CABP2: variants seen among roughly 807,000 people sequenced by gnomAD.
The protein encoded by CABP2 is calcium binding protein 2.
CABP2 carries 25 observed loss-of-function variants against 28.6 expected under a neutral mutation model. That is an observed-to-expected ratio of 0.87 (90% CI 0.64 to 1.22). The LOEUF is 1.22. Among genes scored for constraint, CABP2 ranks in the 50% most tolerant of loss-of-function variants. The pLI, the probability that CABP2 is intolerant of heterozygous loss-of-function variation, is 0.00. For missense variants in CABP2, 310 were observed against 312.2 expected, an observed-to-expected ratio of 0.99 and a Z score of 0.05; for synonymous variants, 138 against 126.0, an observed-to-expected ratio of 1.09 and a Z score of -0.64.
In CABP2 at chr11:67,519,131, G is replaced by A; in HGVS notation, c.*8C>T. ...GTCCTTTATGCTGCCTCCAGCTTCT[G>A]TACAGGCTCACCGAGACATCATTCG... is the stretch of plus-strand genomic sequence containing the variant. On this transcript the variant is annotated 3_prime_UTR_variant, in exon 7 of 7. Coordinates refer to ENST00000294288, the MANE Select transcript of CABP2 (RefSeq NM_016366.3). 1 of 1,613,956 alleles carries A rather than the reference G, an allele frequency of 6.2e-7. No homozygotes were observed. Among genetic ancestry groups the A allele is most frequent in the Non-Finnish European group, 8.5e-7 (1 of 1,179,954 alleles).
Position 67,519,301 on chromosome 11 carries a change from A to G in CABP2, c.638-137T>C, listed in dbSNP as rs897834414. On this transcript the variant is annotated intron_variant, in intron 6 of 6. Coordinates refer to ENST00000294288, the MANE Select transcript of CABP2 (RefSeq NM_016366.3). ...GGGCATCCTCTGGATCTGATAGGGAATAGGCCTCAGAGCCGGGAAGAGGAG... is the reference window on the plus strand; with the variant it reads ...GGGCATCCTCTGGATCTGATAGGGAGTAGGCCTCAGAGCCGGGAAGAGGAG... The G allele has an allele frequency of 3.7e-6, 3 of 806,404 alleles. No homozygotes were observed. The South Asian group carries it at 4.3e-5, about 11-fold the overall frequency. The allele number at this position is 806,404 out of a possible 1,614,324, so 50.0% of individuals were successfully genotyped here.
Position 67,519,011 on chromosome 11 carries a change from A to G in CABP2, c.*128T>C, listed in dbSNP as rs1472400769. 1.6e-5 allele frequency: 15 copies of G among 946,102 alleles called. No individual in the cohort carries two copies. The highest frequency in any genetic ancestry group is 1.9e-5 in the Non-Finnish European group (11 of 591,800). 58.6% of individuals were successfully genotyped at this position (946,102 alleles called of 1,614,324 possible). On this transcript the variant is annotated 3_prime_UTR_variant, in exon 7 of 7. Transcript: ENST00000294288. ...GGTGGGGGTGAAGGCAGGCAAGGGC[A>G]CTGCACACAGGTGGGATGGGGAGGA... is the stretch of plus-strand genomic sequence containing the variant.
chr11:67,522,424 G>A, intron 2 of CABP2, 122 bp downstream of exon 2: 1 of 1,015,596 alleles, frequency 9.8e-7, no homozygotes, highest in Non-Finnish European at 1.5e-6. Context: ...CTTCCCCCTA[G>A]CTCCAGGAGA....
chr11:67,522,106 T>A, intron 2 of CABP2, 124 bp from the exon 3 acceptor site: 1 of 860,532 alleles, frequency 1.2e-6, no homozygotes, highest in Non-Finnish European at 1.9e-6. Context: ...CCTGTGTCTG[T>A]CTGATTGCTC....
At chr11:67,519,245 G>T in intron 6 of CABP2, 81 bp from the exon 7 acceptor site, 1 of 1,455,578 alleles carries the variant, frequency 6.9e-7, no homozygotes, top group Non-Finnish European at 9.6e-7. Context: ...CTTGGGGCGG[G>T]TGGGAGTGTG....
chr11:67,522,567 G>A lies in CABP2; in HGVS notation c.192C>T (p.Pro64=), dbSNP rs1196059536. The change falls in exon 2 of 7, where the codon CCC becomes CCT. Residue 64 remains proline, a synonymous_variant. Coordinates refer to ENST00000294288, the MANE Select transcript of CABP2 (RefSeq NM_016366.3). ...LVGPACIFLR[P]SIAATQLDRE... ...ATACGAGTTGGGTGGCGGCAATGCT[G>A]GGCCGCAGGAAGATGCAGGCAGGCC... The A allele has an allele frequency of 6.4e-7, 1 of 1,556,204 alleles. No individual in the cohort carries two copies. Among genetic ancestry groups the A allele is most frequent in the Non-Finnish European group, 8.7e-7 (1 of 1,149,518 alleles).
At chr11:67,521,436 G>A (rs1866746614) in intron 3 of CABP2, among the ~76,000 whole-genome samples, 2 of 152,182 alleles carry the variant, frequency 1.3e-5, no homozygotes, top group South Asian at 4.1e-4. Context: ...AACAAATTCT[G>A]ACCTCTTGGA....
At position 67,521,167 on chromosome 11, in the gene CABP2, G is replaced by T; in HGVS notation, c.245-8C>A. On this transcript the variant is annotated splice_region_variant and splice_polypyrimidine_tract_variant and intron_variant, in intron 3 of 6. Coordinates refer to ENST00000294288, the MANE Select transcript of CABP2 (RefSeq NM_016366.3). ...GGAAGGCGACCTGCAGCTCTGCCAG[G>T]CAGGGTGGGGTCAGTCCTTCCCCCA... 1 of 1,610,754 alleles carries T rather than the reference G, an allele frequency of 6.2e-7. No homozygotes were observed. The highest frequency in any genetic ancestry group is 2.2e-5 in the East Asian group (1 of 44,874).
chr11:67,519,221 G>A, intron 6 of CABP2, 57 bp from the exon 7 acceptor site: 1 of 1,593,990 alleles, frequency 6.3e-7, no homozygotes, highest in South Asian at 1.1e-5. Flanking sequence ...TAGGAGTGAG[G>A]ATCATCTGCA....
rs753211660 is a variant in CABP2, at chr11:67,521,170, G to T, written c.245-11C>A. ...AGGCGACCTGCAGCTCTGCCAGGCA[G>T]GGTGGGGTCAGTCCTTCCCCCACAA... On this transcript the variant is annotated splice_polypyrimidine_tract_variant and intron_variant, in intron 3 of 6. Transcript: ENST00000294288. 3 of 1,610,478 alleles carry T rather than the reference G, an allele frequency of 1.9e-6. No individual in the cohort carries two copies. The highest frequency in any genetic ancestry group is 1.7e-6 in the Non-Finnish European group (2 of 1,179,680).
rs767911347 is a variant in CABP2 at position 67,519,828 on chromosome 11, A to G, written c.602T>C (p.Val201Ala). The change falls in exon 6 of 7, where the codon GTG becomes GCG. Residue 201 changes from valine to alanine, a missense_variant. Transcript: ENST00000294288. ...GACCAGACCGTCCCCATTGAGGTCC[A>G]CGTCCTGGAGGATCTCGTCCACCTC... ...QREVDEILQD[V>A]DLNGDGLVDF... 1.2e-6 allele frequency: 2 copies of G among 1,613,962 alleles called. No individual in the cohort carries two copies. The highest frequency in any genetic ancestry group is 1.7e-6 in the Non-Finnish European group (2 of 1,179,996).
chr11:67,523,235 A>C (rs1316968905), intron 1 of CABP2, 50 bp downstream of exon 1: 7 of 1,404,440 alleles, frequency 5.0e-6, no homozygotes. Context: ...TCTGACCCTC[A>C]GGGTCCATTC....
In CABP2 at chr11:67,520,107, G is replaced by T; in HGVS notation, c.433C>A (p.Leu145Met). 6.2e-7 allele frequency: 1 copy of T among 1,613,914 alleles called. No homozygotes were observed. Residue 145 changes from leucine (L) to methionine (M), a missense_variant, in exon 5 of 7, where the codon CTG (leucine) becomes ATG (methionine). Leu to Met is a conservative substitution (Grantham distance 15, BLOSUM62 2). Coordinates refer to ENST00000294288, the MANE Select transcript of CABP2 (RefSeq NM_016366.3). ...DFVELMGPKLLAETADMIGVR... is the reference protein window; with the variant it reads ...DFVELMGPKLMAETADMIGVR... ...CCGATCATGTCTGCCGTCTCTGCCA[G>T]CAGCTTGGGGCCCATCAGCTCCACG...
chr11:67,519,693 G>A (rs1255133326), intron 6 of CABP2, 100 bp downstream of exon 6: 1 of 1,141,108 alleles, frequency 8.8e-7, no homozygotes. Flanking sequence ...ATGGGAGTGC[G>A]TGGCACAGGG....
In CABP2 at chr11:67,519,924, T is replaced by A; in HGVS notation, c.506A>T (p.Asp169Val). 6.2e-7 allele frequency: 1 copy of A among 1,609,226 alleles called. No homozygotes were observed. The highest frequency in any genetic ancestry group is 8.5e-7 in the Non-Finnish European group (1 of 1,179,338). The change falls in exon 6 of 7, where the codon GAC (aspartate) becomes GTC (valine). Residue 169 changes from aspartate (D) to valine (V), a missense_variant. Transcript: ENST00000294288. The stretch of plus-strand genomic sequence containing the variant: ...GAGCTCGCCCACGCTGATGCGGCCG[T>A]CCCCATTGGTGTCGAACTGTGGCGG... ...DAFREFDTNG[D>V]GRISVGELRA...
chr11:67,521,835 A>C (rs1485474135), intron 3 of CABP2, 117 bp downstream of exon 3: 4 of 940,006 alleles, frequency 4.3e-6, no homozygotes, highest in African/African-American at 3.3e-5. Flanking sequence ...TCTTGCTCCC[A>C]CTTCCTCCTG....
At chr11:67,520,395 C>T (rs376883009) in intron 4 of CABP2, among the ~76,000 whole-genome samples, 1 of 152,132 alleles carries the variant, frequency 6.6e-6, no homozygotes, top group African/African-American at 2.4e-5. Context: ...CGGTGGTTCA[C>T]GCCTGTAATG....
rs1866698845 is a variant in CABP2, at chr11:67,519,004, C to CA, written c.*134dup. 1.2e-6 allele frequency: 1 copy of CA among 867,858 alleles called. No individual in the cohort carries two copies. Among genetic ancestry groups the CA allele is most frequent in the African/African-American group, 1.7e-5 (1 of 59,442 alleles). The allele number at this position is 867,858 out of a possible 1,614,324, so 53.8% of individuals were successfully genotyped here. A position where few individuals can be genotyped will look rare whatever the true frequency, so the allele number is the denominator to read the frequency against. On this transcript the variant is annotated 3_prime_UTR_variant, in exon 7 of 7. Coordinates refer to ENST00000294288, the MANE Select transcript of CABP2 (RefSeq NM_016366.3). ...AAGTGGTGGTGGGGGTGAAGGCAGG[C>CA]AAGGGCACTGCACACAGGTGGGATG... is the stretch of plus-strand genomic sequence containing the variant.
At chr11:67,519,989 G>A in intron 5 of CABP2, 49 bp from the exon 6 acceptor site, 1 of 1,597,632 alleles carries the variant, frequency 6.3e-7, no homozygotes, top group South Asian at 1.1e-5. Context: ...TCATTCACAC[G>A]CGCAGCCCCT....
Sources: gnomAD v4.1 joint callset for allele counts (sites outside exome capture counted in the v4.1 genomes callset) on GRCh38, gnomAD v4.1.1 for gene constraint, MANE v1.5 for transcripts, NCBI Gene and HGNC (gene_info 2026-07-23, HGNC 2026-07-21) for gene names.